The following ASB3 variants were observed in gnomAD, a reference collection of about 807,000 sequenced individuals.
ASB3 encodes ankyrin repeat and SOCS box containing 3, also known as ankyrin repeat and SOCS box protein 3.
ASB3 carries 41 observed loss-of-function variants against 54.5 expected under a neutral mutation model. That is an observed-to-expected ratio of 0.75 (90% CI 0.59 to 0.98). The LOEUF (loss-of-function observed/expected upper bound fraction) is 0.98. Ranked by LOEUF, ASB3 falls within the 50% of genes least tolerant of loss-of-function variation. The probability of loss-of-function intolerance (pLI) is 0.00; values close to 1 mark genes in which losing one functional copy is unlikely to be tolerated. For missense variants in ASB3, 733 were observed against 620.0 expected, an observed-to-expected ratio of 1.18 and a Z score of -1.94; for synonymous variants, 266 against 221.2, an observed-to-expected ratio of 1.20 and a Z score of -1.80.
intron 7 of ASB3, among the ~76,000 whole-genome samples, chr2:53,701,844 C>G (rs1038490645): frequency 6.6e-6 from 1 of 152,098 alleles, no homozygotes; most frequent in Non-Finnish European, 1.5e-5. Flanking sequence ...ATTCTGTAAA[C>G]ACAAGAACAA....
intron 9 of ASB3, among the ~76,000 whole-genome samples, chr2:53,674,978 A>C (rs552825021): frequency 6.6e-6 from 1 of 152,350 alleles, no homozygotes; most frequent in Non-Finnish European, 1.5e-5. Flanking sequence ...ACCATCTAGT[A>C]GTAACACCTG....
intron 9 of ASB3, among the ~76,000 whole-genome samples, chr2:53,690,389 G>C (rs1182156093): frequency 1.3e-5 from 2 of 152,250 alleles, no homozygotes; most frequent in East Asian, 3.9e-4. Context: ...AGCAACAGAA[G>C]TCTAGGTACC....
At chr2:53,712,921 T>G (rs1049354004) in intron 7 of ASB3, among the ~76,000 whole-genome samples, 23 of 152,248 alleles carry the variant, frequency 1.5e-4, no homozygotes, top group African/African-American at 5.5e-4. Flanking sequence ...TTAGGGCTCT[T>G]CTGTTTAAAA....
At chr2:53,679,926 T>C (rs972771410) in intron 9 of ASB3, among the ~76,000 whole-genome samples, 3 of 152,128 alleles carry the variant, frequency 2.0e-5, no homozygotes, top group Admixed American at 6.6e-5. Flanking sequence ...ACAGTGTCTG[T>C]TGTTCCCTTC....
intron 7 of ASB3, among the ~76,000 whole-genome samples, chr2:53,708,681 GTCT>G (rs1669926046): frequency 1.3e-5 from 2 of 152,202 alleles, no homozygotes; most frequent in African/African-American, 4.8e-5. Context: ...GGCTGACAAG[GTCT>G]CAGATGGAAA....
rs1401477996 is a variant in ASB3, at chr2:53,670,816, CT to C, written c.1370-127del. ...TGATATATTGCTTGAAAGAAGACTACTTTGAGTCAGTATGACCACAATAAAC... is the reference window on the plus strand; with the variant it reads ...TGATATATTGCTTGAAAGAAGACTACTTGAGTCAGTATGACCACAATAAAC... On this transcript the variant is annotated intron_variant, in intron 9 of 9. Coordinates refer to ENST00000263634, the MANE Select transcript of ASB3 (RefSeq NM_016115.5). The C allele has an allele frequency of 3.9e-5, 44 of 1,121,708 alleles. No individual in the cohort carries two copies. In the African/African-American group the frequency reaches 6.8e-4, roughly 17 times the overall value. The allele number at this position is 1,121,708 out of a possible 1,614,324, so 69.5% of individuals were successfully genotyped here.
chr2:53,737,456 C>A (rs1361970848), intron 3 of ASB3, among the ~76,000 whole-genome samples: 1 of 152,050 alleles, frequency 6.6e-6, no homozygotes, highest in Non-Finnish European at 1.5e-5. Flanking sequence ...GTGGAAGTTG[C>A]CCAAGGGTCC....
chr2:53,770,420 A>C (rs1045758784), intron 1 of ASB3, among the ~76,000 whole-genome samples: 2 of 148,868 alleles, frequency 1.3e-5, no homozygotes, highest in Non-Finnish European at 3.0e-5. Context: ...ATTGTGGCTT[A>C]TGACTCAGCA....
chr2:53,670,362 C>T lies in ASB3; in HGVS notation c.*141G>A, dbSNP rs554298291. The stretch of plus-strand genomic sequence containing the variant: ...AAACATAAACATTCTCACTGAACTA[C>T]TGGCCCCCCAAAACCTAACCTATCT... On this transcript the variant is annotated 3_prime_UTR_variant, in exon 10 of 10. Coordinates refer to ENST00000263634, the MANE Select transcript of ASB3 (RefSeq NM_016115.5). 6 of 526,842 alleles carry T rather than the reference C, an allele frequency of 1.1e-5. No individual in the cohort carries two copies. The East Asian group carries it at 3.0e-4, about 27-fold the overall frequency. 32.6% of individuals were successfully genotyped at this position (526,842 alleles called of 1,614,324 possible).
intron 7 of ASB3, among the ~76,000 whole-genome samples, chr2:53,710,354 T>C (rs1670025780): frequency 6.6e-6 from 1 of 152,276 alleles, no homozygotes; most frequent in Non-Finnish European, 1.5e-5. Flanking sequence ...GTCTTTTTTA[T>C]AGTTTCTACT....
chr2:53,707,727 G>A (rs1161465190), intron 7 of ASB3, among the ~76,000 whole-genome samples: 3 of 151,468 alleles, frequency 2.0e-5, no homozygotes, highest in Non-Finnish European at 4.4e-5. Context: ...TTTGGGAGGT[G>A]AAGGGGGGCA....
intron 9 of ASB3, among the ~76,000 whole-genome samples, chr2:53,671,017 A>G (rs561792870): frequency 6.6e-6 from 1 of 152,360 alleles, no homozygotes; most frequent in South Asian, 2.1e-4. Context: ...GAAGCTCACA[A>G]TAGCAAATGC....
chr2:53,735,998 T>TAAAAAAA (rs201138986), intron 3 of ASB3, among the ~76,000 whole-genome samples: 1 of 96,236 alleles, frequency 1.0e-5, no homozygotes, highest in African/African-American at 3.6e-5. Context: ...ACAAACCTTC[T>TAAAAAAA]AAAAAAAAAA....
intron 9 of ASB3, 52 bp from the exon 10 acceptor site, chr2:53,670,742 T>C (rs1216002004): frequency 3.2e-6 from 5 of 1,555,674 alleles, no homozygotes; most frequent in East Asian, 2.3e-5. Flanking sequence ...AAAGATGTAA[T>C]AGCACATAAA....
chr2:53,726,892 C>A (rs954685109), intron 5 of ASB3, among the ~76,000 whole-genome samples: 1 of 152,054 alleles, frequency 6.6e-6, no homozygotes, highest in Admixed American at 6.6e-5. Flanking sequence ...CAGGGTTTCA[C>A]CATGTTGGCT....
chr2:53,716,654 G>C lies in ASB3; in HGVS notation c.694C>G (p.Leu232Val). 6.2e-7 allele frequency: 1 copy of C among 1,614,156 alleles called. No homozygotes were observed. The highest frequency in any genetic ancestry group is 1.1e-5 in the South Asian group (1 of 91,080). Residue 232 changes from leucine to valine, a missense_variant, in exon 6 of 10, where the codon CTC becomes GTC. By Grantham distance (32) the Leu-to-Val change is conservative (BLOSUM62 1). Transcript: ENST00000263634. ...EGHTKCVELL[L>V]SSGADPDLYC... The stretch of plus-strand genomic sequence containing the variant: ...AGATCAGGATCTGCCCCACTGGAGA[G>C]CAAAAGCTCCACACATTTTGTGTGT...
intron 5 of ASB3, among the ~76,000 whole-genome samples, chr2:53,726,062 T>G (rs941138825): frequency 1.3e-5 from 2 of 152,014 alleles, no homozygotes; most frequent in African/African-American, 4.8e-5. Flanking sequence ...ACGAAAGTAA[T>G]AGGGGTTGGA....
intron 9 of ASB3, among the ~76,000 whole-genome samples, chr2:53,675,832 C>G (rs1290769331): frequency 1.3e-5 from 2 of 152,084 alleles, no homozygotes; most frequent in African/African-American, 4.8e-5. Flanking sequence ...AAAATATTTC[C>G]TAGTACCTAT....
intron 8 of ASB3, among the ~76,000 whole-genome samples, chr2:53,697,785 C>A (rs1242870771): frequency 6.6e-6 from 1 of 152,216 alleles, no homozygotes; most frequent in South Asian, 2.1e-4. Context: ...CACTTCAGGG[C>A]TTCCTGGATA....
Sources: gnomAD v4.1 joint callset for allele counts (sites outside exome capture counted in the v4.1 genomes callset) on GRCh38, gnomAD v4.1.1 for gene constraint, MANE v1.5 for transcripts, NCBI Gene and HGNC (gene_info 2026-07-23, HGNC 2026-07-21) for gene names.